The following BTBD9 variants were observed in gnomAD, a reference collection of about 807,000 sequenced individuals.
The protein encoded by BTBD9 is BTB domain containing 9.
BTBD9 carries 49 observed loss-of-function variants against 64.3 expected under a neutral mutation model. That is an observed-to-expected ratio of 0.76 (90% CI 0.61 to 0.97). The LOEUF (loss-of-function observed/expected upper bound fraction) is 0.97, where lower values mean the gene tolerates loss of function less well. BTBD9 is among the 50% of genes least tolerant of loss of function. BTBD9 has a pLI of 0.00. For missense variants in BTBD9, 598 were observed against 762.1 expected, an observed-to-expected ratio of 0.78 and a Z score of 2.53; for synonymous variants, 260 against 274.7, an observed-to-expected ratio of 0.95 and a Z score of 0.53.
At chr6:38,519,154 T>C (rs1773177215) in intron 6 of BTBD9, among the ~76,000 whole-genome samples, 1 of 152,192 alleles carries the variant, frequency 6.6e-6, no homozygotes, top group South Asian at 2.1e-4. Flanking sequence ...GAAATGTGAC[T>C]TCCTTTACTC....
Position 38,422,891 on chromosome 6 carries a change from G to A in BTBD9, c.1155-77798C>T, listed in dbSNP as rs74649800. On this transcript the variant is annotated intron_variant, in intron 6 of 10. Coordinates refer to ENST00000481247, the MANE Select transcript of BTBD9 (RefSeq NM_001099272.2). The stretch of plus-strand genomic sequence containing the variant: ...GAGACGGGAGGACTGCTTGAGGCCC[G>A]GAAGTCATGATCAGCCTGGTCAACA... Among the ~76,000 whole-genome samples, 1,061 of 152,152 alleles carry A rather than the reference G, an allele frequency of 7.0e-3. 6 individuals carry two copies. Among genetic ancestry groups the A allele is most frequent in the African/African-American group, 0.024 (987 of 41,496 alleles).
chr6:38,606,166 T>A (rs1258081179), intron 1 of BTBD9, among the ~76,000 whole-genome samples: 1 of 152,174 alleles, frequency 6.6e-6, no homozygotes, highest in African/African-American at 2.4e-5. Context: ...GGCTGCGCTG[T>A]CGGGTTCCCT....
chr6:38,376,023 T>C (rs759429510), intron 6 of BTBD9, among the ~76,000 whole-genome samples: 4 of 152,164 alleles, frequency 2.6e-5, no homozygotes, highest in Non-Finnish European at 5.9e-5. Context: ...GTCTTATATG[T>C]CATGTTCAAT....
intron 9 of BTBD9, among the ~76,000 whole-genome samples, chr6:38,249,977 T>G (rs1276239637): frequency 6.6e-6 from 1 of 152,148 alleles, no homozygotes; most frequent in African/African-American, 2.4e-5. Flanking sequence ...ATCTATAGTT[T>G]CTGACCAGAT....
intron 6 of BTBD9, among the ~76,000 whole-genome samples, chr6:38,411,021 C>T (rs899516830): frequency 1.3e-5 from 2 of 152,210 alleles, no homozygotes; most frequent in Non-Finnish European, 2.9e-5. Flanking sequence ...CTTGAATATC[C>T]TTACCAACTC....
At chr6:38,448,952 A>G (rs990932768) in intron 6 of BTBD9, among the ~76,000 whole-genome samples, 3 of 152,212 alleles carry the variant, frequency 2.0e-5, no homozygotes, top group African/African-American at 7.2e-5. Flanking sequence ...GTACTATTCA[A>G]TCACAACTCA....
intron 6 of BTBD9, among the ~76,000 whole-genome samples, chr6:38,376,707 A>G (rs563854497): frequency 6.6e-6 from 1 of 152,274 alleles, no homozygotes; most frequent in African/African-American, 2.4e-5. Context: ...TACAAAGAAA[A>G]CTGGAGACAA....
At chr6:38,222,405 T>C (rs6930118) in intron 9 of BTBD9, among the ~76,000 whole-genome samples, 126,918 of 151,290 alleles carry the variant, frequency 0.84, 53,382 homozygotes, top group East Asian at 0.97. Context: ...GGACTACAGG[T>C]GCCCGCCACC....
intron 7 of BTBD9, among the ~76,000 whole-genome samples, chr6:38,342,535 CAAAA>C (rs762825969): frequency 0.051 from 2,773 of 54,774 alleles, 82 homozygotes; most frequent in African/African-American, 0.15. Flanking sequence ...GACTCTGTCT[CAAAA>C]AAAAAAAAAA....
intron 10 of BTBD9, among the ~76,000 whole-genome samples, chr6:38,188,449 G>T (rs533080127): frequency 2.0e-5 from 3 of 152,248 alleles, no homozygotes; most frequent in African/African-American, 7.2e-5. Context: ...AGCACCTGCA[G>T]AAGACAGGCC....
At chr6:38,424,074 A>G (rs953818954) in intron 6 of BTBD9, among the ~76,000 whole-genome samples, 1 of 152,022 alleles carries the variant, frequency 6.6e-6, no homozygotes, top group Non-Finnish European at 1.5e-5. Context: ...ACCCAGGATA[A>G]ACTAAATAAG....
At chr6:38,311,388 G>A (rs1449012327) in intron 7 of BTBD9, among the ~76,000 whole-genome samples, 1 of 152,054 alleles carries the variant, frequency 6.6e-6, no homozygotes, top group African/African-American at 2.4e-5. Context: ...TTCCATCCAC[G>A]TTGTTGCAAA....
At chr6:38,445,508 A>T (rs1021379183) in intron 6 of BTBD9, among the ~76,000 whole-genome samples, 1 of 152,328 alleles carries the variant, frequency 6.6e-6, no homozygotes, top group East Asian at 1.9e-4. Flanking sequence ...AATCCAGTGA[A>T]GTCTCCTCCA....
chr6:38,390,660 C>T (rs551140828), intron 6 of BTBD9, among the ~76,000 whole-genome samples: 3 of 152,280 alleles, frequency 2.0e-5, no homozygotes, highest in African/African-American at 7.2e-5. Context: ...CATTACACAA[C>T]TCTAAGGAAC....
intron 4 of BTBD9, among the ~76,000 whole-genome samples, chr6:38,582,047 G>A (rs1017571780): frequency 1.3e-5 from 2 of 152,164 alleles, no homozygotes; most frequent in Non-Finnish European, 2.9e-5. Flanking sequence ...ATTCATCATT[G>A]CAGATTTCTG....
intron 6 of BTBD9, among the ~76,000 whole-genome samples, chr6:38,437,733 T>C (rs901201386): frequency 6.6e-6 from 1 of 152,320 alleles, no homozygotes; most frequent in East Asian, 1.9e-4. Context: ...TAATTAAGGT[T>C]GAAGATTATA....
At chr6:38,637,779 A>T (rs1164209640) in intron 1 of BTBD9, among the ~76,000 whole-genome samples, 2 of 152,230 alleles carry the variant, frequency 1.3e-5, no homozygotes, top group Admixed American at 1.3e-4. Context: ...AATCAAAAGT[A>T]TATTAACAAC....
intron 6 of BTBD9, among the ~76,000 whole-genome samples, chr6:38,392,928 G>C (rs868855820): frequency 1.3e-4 from 19 of 143,736 alleles, no homozygotes; most frequent in Admixed American, 2.9e-4. Flanking sequence ...AGGCTAGAGT[G>C]CAGTGGCATG....
chr6:38,331,434 C>T (rs528402638), intron 7 of BTBD9, among the ~76,000 whole-genome samples: 3 of 152,180 alleles, frequency 2.0e-5, no homozygotes, highest in East Asian at 1.9e-4. Flanking sequence ...GCTGAGATCA[C>T]GCCACTGCAC....
Sources: gnomAD v4.1 joint callset for allele counts (sites outside exome capture counted in the v4.1 genomes callset) on GRCh38, gnomAD v4.1.1 for gene constraint, MANE v1.5 for transcripts, NCBI Gene and HGNC (gene_info 2026-07-23, HGNC 2026-07-21) for gene names.